Variants in ELMO1 observed in about 807,000 individuals in gnomAD.
The protein encoded by ELMO1 is engulfment and cell motility protein 1.
In ELMO1, 26 loss-of-function variants were observed where a neutral mutation model predicts 98.9. The ratio of observed to expected loss-of-function variants is 0.26; its 90% confidence interval spans 0.19 to 0.36. ELMO1 has a LOEUF of 0.36. Ranked by LOEUF, ELMO1 falls within the 10% of genes least tolerant of loss-of-function variation. ELMO1 has a pLI of 1.00. For synonymous variants in ELMO1, 346 were observed against 346.0 expected (o/e 1.00, Z 0.00); for missense variants, 627 against 935.2 (o/e 0.67, Z 4.30).
intron 13 of ELMO1, among the ~76,000 whole-genome samples, chr7:37,156,322 A>G (rs1428841778): frequency 6.6e-6 from 1 of 152,230 alleles, no homozygotes; most frequent in Non-Finnish European, 1.5e-5. Flanking sequence ...CTAAGGTCAG[A>G]GCAGAACTGA....
At chr7:37,062,923 G>A (rs896699320) in intron 15 of ELMO1, among the ~76,000 whole-genome samples, 1 of 152,118 alleles carries the variant, frequency 6.6e-6, no homozygotes, top group Admixed American at 6.6e-5. Flanking sequence ...TCCTTCAACT[G>A]GTATGACCTG....
chr7:37,262,487 C>T (rs1250713592), intron 5 of ELMO1, among the ~76,000 whole-genome samples: 1 of 152,206 alleles, frequency 6.6e-6, no homozygotes, highest in Non-Finnish European at 1.5e-5. Context: ...CTATTCACCC[C>T]TCTCCTTCAC....
intron 13 of ELMO1, among the ~76,000 whole-genome samples, chr7:37,201,635 CCTTTAAA>C (rs766640367): frequency 8.1e-4 from 123 of 152,320 alleles, no homozygotes; most frequent in African/African-American, 1.8e-3. Context: ...CCTGTCTTGG[CCTTTAAA>C]CTTTAAACAA....
chr7:37,012,284 G>A (rs1334195954), intron 16 of ELMO1, among the ~76,000 whole-genome samples: 1 of 152,220 alleles, frequency 6.6e-6, no homozygotes, highest in Non-Finnish European at 1.5e-5. Flanking sequence ...AAACAAGGAT[G>A]AGATGTATAT....
chr7:36,893,616 A>G (rs1805744885), intron 17 of ELMO1, among the ~76,000 whole-genome samples: 2 of 152,190 alleles, frequency 1.3e-5, no homozygotes, highest in African/African-American at 2.4e-5. Flanking sequence ...AGACCTGTGC[A>G]CTTTTTAAAC....
intron 17 of ELMO1, among the ~76,000 whole-genome samples, chr7:36,890,644 C>G (rs1805472029): frequency 6.6e-6 from 1 of 152,164 alleles, no homozygotes; most frequent in South Asian, 2.1e-4. Flanking sequence ...TTTCAGTACA[C>G]TATAATCATT....
At chr7:37,369,489 T>C (rs992706566) in intron 1 of ELMO1, among the ~76,000 whole-genome samples, 6 of 152,114 alleles carry the variant, frequency 3.9e-5, no homozygotes, top group Admixed American at 6.6e-5. Flanking sequence ...ATGGGGACAA[T>C]GTAGGGGGCA....
At chr7:37,275,380 A>T (rs759451670) in intron 4 of ELMO1, among the ~76,000 whole-genome samples, 1 of 152,196 alleles carries the variant, frequency 6.6e-6, no homozygotes, top group Non-Finnish European at 1.5e-5. Flanking sequence ...CCCAAGCAAG[A>T]TTGCTTTCAA....
intron 15 of ELMO1, among the ~76,000 whole-genome samples, chr7:37,086,773 TTGAA>T (rs1180953887): frequency 2.0e-5 from 3 of 149,110 alleles, no homozygotes; most frequent in Non-Finnish European, 4.5e-5. Flanking sequence ...AAAGAAATCT[TTGAA>T]CTTTCTTGCC....
intron 13 of ELMO1, among the ~76,000 whole-genome samples, chr7:37,136,961 A>G (rs1268695039): frequency 4.6e-5 from 7 of 152,176 alleles, no homozygotes; most frequent in Non-Finnish European, 8.8e-5. Context: ...CTTCACTTAA[A>G]AGGTACAGAA....
chr7:37,303,290 T>C (rs1227904895), intron 4 of ELMO1, among the ~76,000 whole-genome samples: 1 of 152,178 alleles, frequency 6.6e-6, no homozygotes, highest in Non-Finnish European at 1.5e-5. Flanking sequence ...CTAACAAATA[T>C]TTTAAAAATA....
intron 1 of ELMO1, among the ~76,000 whole-genome samples, chr7:37,370,307 T>C (rs1802066514): frequency 6.6e-6 from 1 of 152,048 alleles, no homozygotes; most frequent in African/African-American, 2.4e-5. Flanking sequence ...GGCCCATTCA[T>C]TTACGGCTCT....
chr7:37,027,437 A>G lies in ELMO1; in HGVS notation c.1301-14002T>C, dbSNP rs571629853. Among the ~76,000 whole-genome samples, 41 of 152,236 alleles carry G rather than the reference A, an allele frequency of 2.7e-4. 2 individuals are homozygous for G. In the South Asian group the frequency reaches 7.2e-3, roughly 27 times the overall value. ...CATCTCAGCCTCTGTCATGATAAAC[A>G]TATCACCTCAAGGACTGCATAACAT... On this transcript the variant is annotated intron_variant, in intron 15 of 21. Transcript: ENST00000310758.
At chr7:37,211,260 G>A in intron 13 of ELMO1, 126 bp downstream of exon 13, 3 of 1,365,170 alleles carry the variant, frequency 2.2e-6, no homozygotes, top group Non-Finnish European at 1.0e-6. Context: ...CTAAACATCT[G>A]GAAATGTGGA....
chr7:37,401,552 G>T (rs560839985), intron 1 of ELMO1, among the ~76,000 whole-genome samples: 1 of 152,274 alleles, frequency 6.6e-6, no homozygotes, highest in East Asian at 1.9e-4. Context: ...GTTCAGCATG[G>T]CTAAGGAGGC....
intron 14 of ELMO1, among the ~76,000 whole-genome samples, chr7:37,100,016 T>C (rs1727602480): frequency 6.6e-6 from 1 of 152,124 alleles, no homozygotes. Flanking sequence ...GTATTTTTAG[T>C]AGAGACGGGG....
intron 15 of ELMO1, among the ~76,000 whole-genome samples, chr7:37,055,311 T>A (rs916921034): frequency 8.5e-5 from 13 of 152,222 alleles, no homozygotes; most frequent in African/African-American, 3.1e-4. Flanking sequence ...CTCTAACAAC[T>A]TAGGAGTCCT....
At chr7:37,117,576 A>G (rs1785689945) in intron 14 of ELMO1, among the ~76,000 whole-genome samples, 1 of 152,192 alleles carries the variant, frequency 6.6e-6, no homozygotes, top group African/African-American at 2.4e-5. Flanking sequence ...CAGCTCAATT[A>G]GTAAATCTAA....
At chr7:37,401,897 C>A (rs1444191372) in intron 1 of ELMO1, among the ~76,000 whole-genome samples, 2 of 152,166 alleles carry the variant, frequency 1.3e-5, no homozygotes, top group Admixed American at 1.3e-4. Flanking sequence ...AGAAGAAGAA[C>A]CTGATCAAAC....
Sources: allele counts gnomAD v4.1 joint callset (sites outside exome capture counted in the v4.1 genomes callset), GRCh38; gene constraint gnomAD v4.1.1; transcripts MANE v1.5; gene names NCBI Gene and HGNC (gene_info 2026-07-23, HGNC 2026-07-21).